The following RPS6KA3 variants were observed in gnomAD, a reference collection of about 807,000 sequenced individuals.
The protein encoded by RPS6KA3 is ribosomal protein S6 kinase A3.
Under a neutral mutation model 67.2 loss-of-function variants are expected in RPS6KA3, and 4 were observed. The ratio of observed to expected loss-of-function variants is 0.06; its 90% CI spans 0.03 to 0.14. The LOEUF is 0.14. RPS6KA3 is among the 10% of genes least tolerant of loss of function. The pLI, the probability that RPS6KA3 is intolerant of heterozygous loss-of-function variation, is 1.00. For missense variants in RPS6KA3, 204 were observed against 559.0 expected, an observed-to-expected ratio of 0.36 and a Z score of 6.40; for synonymous variants, 182 against 183.7, an observed-to-expected ratio of 0.99 and a Z score of 0.07.
chrX:20,188,608 T>C (rs2068045810), intron 7 of RPS6KA3, 74 bp from the exon 8 acceptor site: 5 of 548,901 alleles, frequency 9.1e-6, no homozygotes, highest in Non-Finnish European at 1.6e-5. Context: ...AATTACATCC[T>C]TAAGCATCAG....
chrX:20,169,338 T>C, intron 16 of RPS6KA3, 64 bp downstream of exon 16: 1 of 738,314 alleles, frequency 1.4e-6, no homozygotes, highest in Non-Finnish European at 2.1e-6. Context: ...TTTTTGAAAA[T>C]ACACTACTTT....
Position 20,153,651 on chromosome X carries a change from A to C in RPS6KA3, c.*1747T>G. ...TTTTTCCTTCTTGAGACAGAGTCTC[A>C]CTCTGTCACCCAGGCTGGAGTGCAA... On this transcript the variant is annotated 3_prime_UTR_variant, in exon 22 of 22. Coordinates refer to ENST00000379565, the MANE Select transcript of RPS6KA3 (RefSeq NM_004586.3). 1 of 104,771 alleles carries C rather than the reference A, an allele frequency of 9.5e-6. No individual in the cohort carries two copies. Among genetic ancestry groups the C allele is most frequent in the African/African-American group, 3.5e-5 (1 of 28,374 alleles). The allele number at this position is 104,771 out of a possible 1,213,427, so 8.6% of individuals were successfully genotyped here. A position where few individuals can be genotyped will look rare whatever the true frequency, so the allele number is the denominator to read the frequency against.
In RPS6KA3 at chrX:20,151,186, C is replaced by T. The variant is rs1214093587; in HGVS notation, c.*4212G>A. ...AGTGTCAAAAACACATAAAGCACAC[C>T]GTAGATACAAATTCTTCTTGGCCAT... On this transcript the variant is annotated 3_prime_UTR_variant, in exon 22 of 22. Coordinates refer to ENST00000379565, the MANE Select transcript of RPS6KA3 (RefSeq NM_004586.3). The T allele has an allele frequency of 1.3e-4, 15 of 112,442 alleles. No individual in the cohort carries two copies. The East Asian group carries it at 3.9e-3, about 29-fold the overall frequency. 9.3% of individuals were successfully genotyped at this position (112,442 alleles called of 1,213,427 possible).
At position 20,155,892 on chromosome X, in the gene RPS6KA3, C is replaced by T. The variant is rs111948591; in HGVS notation, c.2100+217G>A. Among the ~76,000 whole-genome samples the T allele has an allele frequency of 0.013, 1,421 of 112,305 alleles. 9 individuals carry two copies. Among genetic ancestry groups the T allele is most frequent in the Admixed American group, 0.015 (162 of 10,614 alleles). ...TCCTTATTGATAGTGAATACCTACT[C>T]ATGTAGACTGAGAGGAATTCAAAAG... On this transcript the variant is annotated intron_variant, in intron 21 of 21. Transcript: ENST00000379565.
At chrX:20,158,742 ACTT>A (rs1178200527) in intron 20 of RPS6KA3, among the ~76,000 whole-genome samples, 2 of 111,039 alleles carry the variant, frequency 1.8e-5, no homozygotes, top group African/African-American at 6.6e-5. Context: ...ACTTCAAACT[ACTT>A]CTCTTACTAC....
chrX:20,265,309 G>A lies in RPS6KA3; in HGVS notation c.69+1255C>T, dbSNP rs192159973. Among the ~76,000 whole-genome samples the A allele has an allele frequency of 7.2e-5, 8 of 111,758 alleles. No homozygotes were observed. The East Asian group carries it at 2.2e-3, about 31-fold the overall frequency. ...CCCCCGCCCTCTCCATTATACCGGAGAATGCAAGTGTCCCGCATCTCAAGA... is the reference window on the plus strand; with the variant it reads ...CCCCCGCCCTCTCCATTATACCGGAAAATGCAAGTGTCCCGCATCTCAAGA... On this transcript the variant is annotated intron_variant, in intron 1 of 21. Coordinates refer to ENST00000379565, the MANE Select transcript of RPS6KA3 (RefSeq NM_004586.3).
intron 1 of RPS6KA3, among the ~76,000 whole-genome samples, chrX:20,247,509 G>A (rs1056531561): frequency 3.6e-5 from 4 of 111,661 alleles, no homozygotes; most frequent in Admixed American, 1.9e-4. Flanking sequence ...ATCTGAGGCC[G>A]GGCGCGGTGG....
At chrX:20,168,721 T>G (rs1276841234) in intron 16 of RPS6KA3, among the ~76,000 whole-genome samples, 1 of 112,433 alleles carries the variant, frequency 8.9e-6, no homozygotes, top group African/African-American at 3.2e-5. Flanking sequence ...CGTAAGTACT[T>G]TTCTTCTTAA....
At chrX:20,156,356 T>G in intron 20 of RPS6KA3, 107 bp from the exon 21 acceptor site, 2 of 837,274 alleles carry the variant, frequency 2.4e-6, no homozygotes, top group Non-Finnish European at 3.5e-6. Context: ...TACTGCTTTT[T>G]CTGGTAGCAG....
chrX:20,186,371 A>G lies in RPS6KA3; in HGVS notation c.775-5T>C. ...TGTACCAGTAAGCATTTCAAACTAC[A>G]GAAAGGCAAAATAATCAGAAGTGTT... On this transcript the variant is annotated splice_region_variant and splice_polypyrimidine_tract_variant and intron_variant, in intron 9 of 21. Transcript: ENST00000379565. The G allele has an allele frequency of 8.9e-7, 1 of 1,125,448 alleles. No individual in the cohort carries two copies. Among genetic ancestry groups the G allele is most frequent in the Non-Finnish European group, 1.2e-6 (1 of 817,615 alleles). The allele number at this position is 1,125,448 out of a possible 1,213,427, so 92.7% of individuals were successfully genotyped here.
intron 10 of RPS6KA3, among the ~76,000 whole-genome samples, chrX:20,186,033 G>A (rs2067972029): frequency 9.0e-6 from 1 of 111,391 alleles, no homozygotes; most frequent in Admixed American, 9.5e-5. Context: ...TCCACCTCCC[G>A]GGTTCAAGGG....
rs1603428800 is a variant in RPS6KA3, at chrX:20,213,050, A to C, written c.127-3646T>G. 2.7e-5 allele frequency among the ~76,000 whole-genome samples: 3 copies of C among 111,907 alleles called. No homozygotes were observed. The South Asian group carries it at 1.1e-3, about 41-fold the overall frequency. On this transcript the variant is annotated intron_variant, in intron 2 of 21. Coordinates refer to ENST00000379565, the MANE Select transcript of RPS6KA3 (RefSeq NM_004586.3). ...AAAAAACTCCAAGTTTTCTCAAATT[A>C]AATGCACTGCTTCACCTTGGCATTC...
chrX:20,184,836 TA>T (rs1433571749), intron 10 of RPS6KA3, among the ~76,000 whole-genome samples: 2 of 112,443 alleles, frequency 1.8e-5, no homozygotes, highest in African/African-American at 6.5e-5. Flanking sequence ...AAAATTTCTT[TA>T]AATAAAATTT....
rs1167870015 is a variant in RPS6KA3 at position 20,156,095 on chromosome X, A to G, written c.2100+14T>C. 8.3e-7 allele frequency: 1 copy of G among 1,210,090 alleles called. No individual in the cohort carries two copies. Among genetic ancestry groups the G allele is most frequent in the Admixed American group, 2.2e-5 (1 of 45,943 alleles). ...AGGACCTGTGGAAAACAGTGACTGT[A>G]TGGGGCTGCTCACCTTTACTAGATG... On this transcript the variant is annotated intron_variant, in intron 21 of 21. Transcript: ENST00000379565.
chrX:20,154,990 G>A lies in RPS6KA3; in HGVS notation c.*408C>T, dbSNP rs2067159676. 1 of 221,869 alleles carries A rather than the reference G, an allele frequency of 4.5e-6. No individual in the cohort carries two copies. The highest frequency in any genetic ancestry group is 5.9e-5 in the South Asian group (1 of 16,978). 18.3% of individuals were successfully genotyped at this position (221,869 alleles called of 1,213,427 possible). On this transcript the variant is annotated 3_prime_UTR_variant, in exon 22 of 22. Coordinates refer to ENST00000379565, the MANE Select transcript of RPS6KA3 (RefSeq NM_004586.3). ...CAAGGGATACAGTGCTAATATAAAC[G>A]GATTGTTTAAGCTAAGTGCTTAACA...
rs753601917 is a variant in RPS6KA3, at chrX:20,234,818, T to C, written c.70-4A>G. On this transcript the variant is annotated splice_polypyrimidine_tract_variant and splice_region_variant and intron_variant, in intron 1 of 21. Transcript: ENST00000379565. ...CATCCATAATTTGCTGTCCATTCTGTGAAAAGCACAGCAAGCAGGAAGTTA... is the reference window on the plus strand; with the variant it reads ...CATCCATAATTTGCTGTCCATTCTGCGAAAAGCACAGCAAGCAGGAAGTTA... 17 of 1,195,325 alleles carry C rather than the reference T, an allele frequency of 1.4e-5. No individual in the cohort carries two copies. In the East Asian group the frequency reaches 4.5e-4, roughly 31 times the overall value.
At chrX:20,209,228 A>G (rs2068647213) in intron 3 of RPS6KA3, 60 bp downstream of exon 3, 2 of 634,396 alleles carry the variant, frequency 3.2e-6, no homozygotes, top group Admixed American at 4.4e-5. Flanking sequence ...TTCCTCATGT[A>G]TATGAAATAC....
chrX:20,177,601 T>C (rs1302259740), intron 10 of RPS6KA3, among the ~76,000 whole-genome samples: 1 of 112,445 alleles, frequency 8.9e-6, no homozygotes, highest in Non-Finnish European at 1.9e-5. Flanking sequence ...AGTAAGATCA[T>C]TTGAATCCTA....
At chrX:20,212,319 GA>G (rs1483412778) in intron 2 of RPS6KA3, among the ~76,000 whole-genome samples, 2 of 111,260 alleles carry the variant, frequency 1.8e-5, no homozygotes, top group African/African-American at 3.3e-5. Flanking sequence ...CCAACAGGGT[GA>G]AATGCTGTCT....
Sources: gnomAD v4.1 joint callset for allele counts (sites outside exome capture counted in the v4.1 genomes callset) on GRCh38, gnomAD v4.1.1 for gene constraint, MANE v1.5 for transcripts, NCBI Gene and HGNC (gene_info 2026-07-23, HGNC 2026-07-21) for gene names.